The following ANKRD6 variants were observed in gnomAD, a reference collection of about 807,000 sequenced individuals.
ANKRD6 encodes the protein ankyrin repeat domain-containing protein 6.
ANKRD6 carries 56 observed loss-of-function variants against 82.3 expected under a neutral mutation model. That is an observed-to-expected ratio of 0.68 (90% CI 0.55 to 0.85). The LOEUF (loss-of-function observed/expected upper bound fraction) is 0.85, where lower values mean the gene tolerates loss of function less well. Among genes scored for constraint, ANKRD6 ranks in the 40% least tolerant of loss-of-function variants. The pLI is 0.00. For synonymous variants in ANKRD6, 347 were observed against 352.1 expected (o/e 0.99, Z 0.16); for missense variants, 852 against 907.6 (o/e 0.94, Z 0.79).
At chr6:89,627,825 A>T in intron 14 of ANKRD6, 129 bp downstream of exon 14, 1 of 680,468 alleles carries the variant, frequency 1.5e-6, no homozygotes, top group Non-Finnish European at 2.5e-6. Context: ...ATAGTGTATC[A>T]TTTTTATGAT....
rs183385824 is a variant in ANKRD6 at position 89,515,813 on chromosome 6, T to C, written c.-143-51021T>C. On this transcript the variant is annotated intron_variant, in intron 1 of 15. Coordinates refer to ENST00000339746, the MANE Select transcript of ANKRD6 (RefSeq NM_001242809.2). Reference sequence around the variant, plus strand: ...GGATCTGGAGAGAAGGTGCCTCTCCTGGATTATCTGGGTGGACCCTAAGTG... The same window carrying C: ...GGATCTGGAGAGAAGGTGCCTCTCCCGGATTATCTGGGTGGACCCTAAGTG... 2.6e-5 allele frequency among the ~76,000 whole-genome samples: 4 copies of C among 152,362 alleles called. No homozygotes were observed. In the East Asian group the frequency reaches 7.7e-4, roughly 29 times the overall value.
At chr6:89,559,701 A>G (rs970940327) in intron 1 of ANKRD6, among the ~76,000 whole-genome samples, 13 of 152,112 alleles carry the variant, frequency 8.5e-5, no homozygotes, top group South Asian at 6.2e-4. Context: ...GTGCTGTCCA[A>G]TGCTCTGGTG....
intron 1 of ANKRD6, among the ~76,000 whole-genome samples, chr6:89,524,363 G>A (rs2127976194): frequency 6.6e-6 from 1 of 151,978 alleles, no homozygotes; most frequent in African/African-American, 2.4e-5. Context: ...CGTGTCCTTA[G>A]CTCCCACTTA....
intron 1 of ANKRD6, among the ~76,000 whole-genome samples, chr6:89,456,639 C>T (rs769257328): frequency 6.6e-6 from 1 of 152,196 alleles, no homozygotes; most frequent in Non-Finnish European, 1.5e-5. Context: ...AATATATGAA[C>T]TTGTTCTGCC....
intron 1 of ANKRD6, among the ~76,000 whole-genome samples, chr6:89,501,243 G>A (rs923516623): frequency 1.3e-5 from 2 of 152,194 alleles, no homozygotes; most frequent in Admixed American, 1.3e-4. Flanking sequence ...CCTAAGGCTT[G>A]TTTCTACGTA....
chr6:89,492,627 G>A (rs536690005), intron 1 of ANKRD6, among the ~76,000 whole-genome samples: 1 of 152,188 alleles, frequency 6.6e-6, no homozygotes, highest in African/African-American at 2.4e-5. Context: ...TATTTTTGTG[G>A]CATTTTATGT....
At chr6:89,469,370 T>G (rs527870793) in intron 1 of ANKRD6, among the ~76,000 whole-genome samples, 2 of 152,284 alleles carry the variant, frequency 1.3e-5, no homozygotes, top group African/African-American at 4.8e-5. Flanking sequence ...CCTTTCAATT[T>G]GTAAGTCCAA....
chr6:89,610,522 A>C (rs1402038378), intron 5 of ANKRD6, among the ~76,000 whole-genome samples: 1 of 152,056 alleles, frequency 6.6e-6, no homozygotes, highest in Non-Finnish European at 1.5e-5. Flanking sequence ...CTTGGTGCAA[A>C]TGCTTTTCCA....
At chr6:89,513,472 A>G (rs1242761849) in intron 1 of ANKRD6, among the ~76,000 whole-genome samples, 2 of 152,310 alleles carry the variant, frequency 1.3e-5, no homozygotes, top group Non-Finnish European at 2.9e-5. Context: ...ATCATATGGC[A>G]TATCCTTTTT....
intron 1 of ANKRD6, among the ~76,000 whole-genome samples, chr6:89,492,170 A>C (rs1012909918): frequency 1.3e-5 from 2 of 152,206 alleles, no homozygotes; most frequent in Admixed American, 1.3e-4. Flanking sequence ...TCCTCCCTAT[A>C]AGGGCATTTC....
intron 1 of ANKRD6, among the ~76,000 whole-genome samples, chr6:89,556,480 T>C (rs548550516): frequency 2.6e-5 from 4 of 152,382 alleles, no homozygotes; most frequent in African/African-American, 9.6e-5. Flanking sequence ...AGTCTGGCTT[T>C]GGCTTCTGTT....
At chr6:89,497,668 CTGTG>C (rs781389232) in intron 1 of ANKRD6, among the ~76,000 whole-genome samples, 17 of 152,064 alleles carry the variant, frequency 1.1e-4, no homozygotes, top group Non-Finnish European at 2.1e-4. Flanking sequence ...CTCTCTCTCT[CTGTG>C]TATCTGTGTA....
rs1563171727 is a variant in ANKRD6 at position 89,629,193 on chromosome 6, GCCTGCAGAGCTAAATCCACA to G, written c.1570_1589del (p.Cys524IlefsTer4). 2.5e-6 allele frequency: 4 copies of G among 1,613,680 alleles called. No individual in the cohort carries two copies. Among genetic ancestry groups the G allele is most frequent in the Non-Finnish European group, 3.4e-6 (4 of 1,179,844 alleles). ...GCAGAAGCTTTCTGGAGATTCTAGG[GCCTGCAGAGCTAAATCCACA>G]CCATCTACTTGTGAGTCCTCTACAG... On this transcript the variant is annotated frameshift_variant, in exon 15 of 16. Transcript: ENST00000339746. LOFTEE classifies it high-confidence loss of function.
At chr6:89,466,354 C>T (rs1230037589) in intron 1 of ANKRD6, among the ~76,000 whole-genome samples, 1 of 152,164 alleles carries the variant, frequency 6.6e-6, no homozygotes, top group African/African-American at 2.4e-5. Context: ...AATGGAATTA[C>T]TGAGTCAAAA....
intron 1 of ANKRD6, among the ~76,000 whole-genome samples, chr6:89,482,572 G>C (rs935651469): frequency 6.6e-6 from 1 of 151,558 alleles, no homozygotes; most frequent in East Asian, 1.9e-4. Context: ...CACCCACTAC[G>C]TAGGCTACCC....
intron 1 of ANKRD6, among the ~76,000 whole-genome samples, chr6:89,532,957 T>G (rs1479349712): frequency 6.6e-6 from 1 of 151,420 alleles, no homozygotes; most frequent in Non-Finnish European, 1.5e-5. Context: ...CACTGCAACC[T>G]CCGCCTCCCA....
chr6:89,546,097 C>T (rs540965073), intron 1 of ANKRD6, among the ~76,000 whole-genome samples: 8 of 152,258 alleles, frequency 5.3e-5, no homozygotes, highest in Non-Finnish European at 7.4e-5. Flanking sequence ...TGAGCCACTG[C>T]GCCCGGCCTT....
chr6:89,533,199 C>T (rs574531436), intron 1 of ANKRD6, among the ~76,000 whole-genome samples: 10 of 151,750 alleles, frequency 6.6e-5, no homozygotes, highest in South Asian at 4.2e-4. Flanking sequence ...TTTATGGAGA[C>T]GGTATTTTGC....
At chr6:89,446,189 CTAAAAATA>C (rs1201541321) in intron 1 of ANKRD6, among the ~76,000 whole-genome samples, 24 of 152,020 alleles carry the variant, frequency 1.6e-4, no homozygotes, top group Admixed American at 5.9e-4. Context: ...TCTGTCTCTA[CTAAAAATA>C]CAAAATTAAC....
Sources: allele counts gnomAD v4.1 joint callset (sites outside exome capture counted in the v4.1 genomes callset), GRCh38; gene constraint gnomAD v4.1.1; transcripts MANE v1.5; gene names NCBI Gene and HGNC (gene_info 2026-07-23, HGNC 2026-07-21).